RBFOX3: variants seen among roughly 807,000 people sequenced by gnomAD.
RBFOX3 encodes the protein RNA binding protein fox-1 homolog 3.
Under a neutral mutation model 48.7 loss-of-function variants are expected in RBFOX3, and 17 were observed. That is an observed-to-expected ratio of 0.35 (90% CI 0.24 to 0.52). RBFOX3 has a LOEUF of 0.52. Ranked by LOEUF, RBFOX3 falls within the 20% of genes least tolerant of loss-of-function variation. RBFOX3 has a pLI of 0.94. For missense variants in RBFOX3, 382 were observed against 497.5 expected (o/e 0.77, Z 2.21); for synonymous variants, 212 against 209.5 (o/e 1.01, Z -0.10).
intron 2 of RBFOX3, among the ~76,000 whole-genome samples, chr17:79,413,003 AC>A (rs1345466692): frequency 6.6e-6 from 1 of 152,136 alleles, no homozygotes; most frequent in Non-Finnish European, 1.5e-5. Context: ...AGCCAGAGGA[AC>A]CAGCCTGCTT....
intron 1 of RBFOX3, among the ~76,000 whole-genome samples, chr17:79,580,746 C>T (rs998678594): frequency 4.6e-5 from 7 of 152,234 alleles, no homozygotes; most frequent in Admixed American, 1.3e-4. Flanking sequence ...CTGGTGGTCA[C>T]GACAGAGAGG....
At chr17:79,143,485 G>A (rs2042358050) in intron 4 of RBFOX3, among the ~76,000 whole-genome samples, 1 of 151,762 alleles carries the variant, frequency 6.6e-6, no homozygotes, top group Non-Finnish European at 1.5e-5. Flanking sequence ...CAGCTCAGAA[G>A]CCAACCCACC....
At chr17:79,383,536 G>C (rs1026028592) in intron 2 of RBFOX3, among the ~76,000 whole-genome samples, 2 of 152,252 alleles carry the variant, frequency 1.3e-5, no homozygotes, top group African/African-American at 4.8e-5. Context: ...ATTGCTGAAG[G>C]AACACGCATC....
chr17:79,592,271 G>A (rs2093443412), intron 1 of RBFOX3, among the ~76,000 whole-genome samples: 1 of 83,238 alleles, frequency 1.2e-5, no homozygotes, highest in Non-Finnish European at 2.5e-5. Flanking sequence ...GTGTATGTGG[G>A]TGGGGGGGTG....
At chr17:79,510,548 A>G (rs1332077009) in intron 1 of RBFOX3, among the ~76,000 whole-genome samples, 3 of 152,296 alleles carry the variant, frequency 2.0e-5, no homozygotes, top group East Asian at 3.9e-4. Context: ...ATCCATTAAC[A>G]TTCCCCGTGT....
chr17:79,112,150 T>C (rs1599479077), intron 5 of RBFOX3, among the ~76,000 whole-genome samples: 2 of 152,232 alleles, frequency 1.3e-5, no homozygotes. Flanking sequence ...TGGGGAATGA[T>C]GTAGCTGGAA....
intron 3 of RBFOX3, among the ~76,000 whole-genome samples, chr17:79,274,502 T>C (rs986078847): frequency 2.6e-5 from 4 of 152,118 alleles, no homozygotes; most frequent in African/African-American, 9.7e-5. Context: ...GCCGAGGAGT[T>C]GAAGCTTCCG....
At chr17:79,586,338 G>T (rs2093248840) in intron 1 of RBFOX3, among the ~76,000 whole-genome samples, 1 of 152,188 alleles carries the variant, frequency 6.6e-6, no homozygotes, top group African/African-American at 2.4e-5. Context: ...CTCAAGTCCA[G>T]CGGCCTCCGC....
chr17:79,285,612 C>T (rs951217002), intron 3 of RBFOX3, among the ~76,000 whole-genome samples: 28 of 152,206 alleles, frequency 1.8e-4, no homozygotes, highest in Admixed American at 1.8e-3. Flanking sequence ...CCCGAAGATC[C>T]ACTGACAGTG....
At chr17:79,308,325 A>T (rs1443856120) in intron 2 of RBFOX3, among the ~76,000 whole-genome samples, 2 of 152,156 alleles carry the variant, frequency 1.3e-5, no homozygotes, top group African/African-American at 4.8e-5. Context: ...CGTGGTTTGT[A>T]CTTGCAGCCT....
In RBFOX3 at chr17:79,361,836, T is replaced by C. The variant is rs992539343; in HGVS notation, c.-174-54012A>G. 1.3e-5 allele frequency among the ~76,000 whole-genome samples: 2 copies of C among 152,268 alleles called. No homozygotes were observed. Among genetic ancestry groups the C allele is most frequent in the Non-Finnish European group, 2.9e-5 (2 of 68,050 alleles). ...TTCTTGCCATTTCATCTTGATTTAG[T>C]CATTTTTATATGGCTCACAAGGCAT... On this transcript the variant is annotated intron_variant, in intron 2 of 14. Coordinates refer to ENST00000693108, the MANE Select transcript of RBFOX3 (RefSeq NM_001350451.2). This position sits in a 1 kb window ranked among gnomAD's most constrained non-coding sequence, Gnocchi z 4.5.
intron 1 of RBFOX3, among the ~76,000 whole-genome samples, chr17:79,492,027 G>A (rs1252253916): frequency 1.3e-5 from 2 of 152,214 alleles, no homozygotes; most frequent in Non-Finnish European, 2.9e-5. Context: ...GGTGAGCCAA[G>A]ATCATGCCAT....
intron 2 of RBFOX3, among the ~76,000 whole-genome samples, chr17:79,438,139 C>T (rs2069983029): frequency 6.6e-6 from 1 of 152,140 alleles, no homozygotes; most frequent in Admixed American, 6.5e-5. Flanking sequence ...CACCAGGGCT[C>T]TAAATGCAGC....
At chr17:79,152,847 C>T (rs1393393737) in intron 4 of RBFOX3, among the ~76,000 whole-genome samples, 4 of 152,214 alleles carry the variant, frequency 2.6e-5, no homozygotes, top group African/African-American at 9.6e-5. Context: ...AGGAACACGG[C>T]GCCGGCCTCC....
At chr17:79,133,705 A>G (rs1451334300) in intron 4 of RBFOX3, among the ~76,000 whole-genome samples, 1 of 152,208 alleles carries the variant, frequency 6.6e-6, no homozygotes, top group African/African-American at 2.4e-5. Flanking sequence ...CGTGGTACAC[A>G]CAGCATTTGG....
At chr17:79,377,414 C>T (rs1369488112) in intron 2 of RBFOX3, among the ~76,000 whole-genome samples, 1 of 152,176 alleles carries the variant, frequency 6.6e-6, no homozygotes, top group Non-Finnish European at 1.5e-5. Flanking sequence ...CACACACAGA[C>T]ATGCACACCC....
At chr17:79,193,449 C>A (rs755724214) in intron 4 of RBFOX3, among the ~76,000 whole-genome samples, 14 of 152,158 alleles carry the variant, frequency 9.2e-5, no homozygotes, top group Non-Finnish European at 1.9e-4. Context: ...CACCTCCCCC[C>A]GCCAACCCCC....
chr17:79,451,143 C>T (rs782722110), intron 2 of RBFOX3, among the ~76,000 whole-genome samples: 4 of 151,754 alleles, frequency 2.6e-5, no homozygotes, highest in East Asian at 3.9e-4. Context: ...AATTTGCTAT[C>T]GAAAGGCACA....
chr17:79,395,614 G>C (rs1183180351), intron 2 of RBFOX3, among the ~76,000 whole-genome samples: 1 of 152,218 alleles, frequency 6.6e-6, no homozygotes, highest in African/African-American at 2.4e-5. Flanking sequence ...GGCAGTTAGT[G>C]TGTGCCGGGC....
Sources: gnomAD v4.1 joint callset for allele counts (sites outside exome capture counted in the v4.1 genomes callset) on GRCh38, gnomAD v4.1.1 for gene constraint, Gnocchi (gnomAD v3.1) non-coding constraint, MANE v1.5 for transcripts, NCBI Gene and HGNC (gene_info 2026-07-23, HGNC 2026-07-21) for gene names.